The following ANGPT1 variants were observed in gnomAD, a reference collection of about 807,000 sequenced individuals.
ANGPT1 encodes angiopoietin-1.
A neutral mutation model predicts 62.2 loss-of-function variants in ANGPT1; 17 were observed. That is an observed-to-expected ratio of 0.27 (90% CI 0.19 to 0.41). The LOEUF is 0.41. Among genes scored for constraint, ANGPT1 ranks in the 10% least tolerant of loss-of-function variants. ANGPT1 has a pLI of 1.00. For missense variants in ANGPT1, 478 were observed against 594.9 expected (o/e 0.80, Z 2.04); for synonymous variants, 199 against 198.9 (o/e 1.00, Z 0.00).
intron 1 of ANGPT1, among the ~76,000 whole-genome samples, chr8:107,402,000 G>A (rs979685432): frequency 6.6e-5 from 10 of 151,920 alleles, no homozygotes; most frequent in South Asian, 4.2e-4. Context: ...TTCCATCCTC[G>A]CCACCTCCAG....
At chr8:107,313,950 G>C (rs1229723670) in intron 4 of ANGPT1, among the ~76,000 whole-genome samples, 1 of 152,104 alleles carries the variant, frequency 6.6e-6, no homozygotes, top group East Asian at 1.9e-4. Context: ...ATTTAATGCT[G>C]TTAATAAAAC....
At chr8:107,485,153 T>TG (rs1812782202) in intron 1 of ANGPT1, among the ~76,000 whole-genome samples, 1 of 152,162 alleles carries the variant, frequency 6.6e-6, no homozygotes, top group Non-Finnish European at 1.5e-5. Context: ...ATACAGCGTG[T>TG]GTTGATTGAT....
intron 1 of ANGPT1, among the ~76,000 whole-genome samples, chr8:107,460,810 G>C (rs932932897): frequency 1.3e-5 from 2 of 152,130 alleles, no homozygotes; most frequent in African/African-American, 4.8e-5. Flanking sequence ...CAGACATAAT[G>C]CTTCACAAGA....
At chr8:107,460,735 T>G (rs952673766) in intron 1 of ANGPT1, among the ~76,000 whole-genome samples, 5 of 152,182 alleles carry the variant, frequency 3.3e-5, no homozygotes, top group African/African-American at 1.2e-4. Context: ...ACAGGCAATT[T>G]TTATGATCAA....
At chr8:107,380,419 CGTATATATAT>C (rs1362138886) in intron 1 of ANGPT1, among the ~76,000 whole-genome samples, 4 of 149,014 alleles carry the variant, frequency 2.7e-5, no homozygotes, top group Admixed American at 2.7e-4. Context: ...ACTATATATA[CGTATATATAT>C]GTATATATAG....
At chr8:107,265,588 G>A (rs1466840975) in intron 7 of ANGPT1, among the ~76,000 whole-genome samples, 1 of 152,010 alleles carries the variant, frequency 6.6e-6, no homozygotes, top group East Asian at 1.9e-4. Context: ...ACCTAACACT[G>A]CTTCTCCATA....
chr8:107,254,563 T>G (rs1813315765), intron 8 of ANGPT1, among the ~76,000 whole-genome samples: 1 of 152,034 alleles, frequency 6.6e-6, no homozygotes, highest in Admixed American at 6.6e-5. Flanking sequence ...CTTTTCACAT[T>G]TGTGAAAGAA....
At chr8:107,491,572 G>A (rs532328857) in intron 1 of ANGPT1, among the ~76,000 whole-genome samples, 18 of 152,268 alleles carry the variant, frequency 1.2e-4, no homozygotes, top group African/African-American at 4.3e-4. Flanking sequence ...CAAAGATCAG[G>A]GGGAAGAATT....
chr8:107,450,729 T>TGTGTGC (rs1211196390), intron 1 of ANGPT1, among the ~76,000 whole-genome samples: 5 of 149,988 alleles, frequency 3.3e-5, no homozygotes, highest in South Asian at 2.1e-4. Context: ...TGTGTGTGTG[T>TGTGTGC]GCATGTGTGC....
rs934226241 is a variant in ANGPT1 at position 107,349,896 on chromosome 8, C to G, written c.298-2799G>C. On this transcript the variant is annotated intron_variant, in intron 1 of 8. Transcript: ENST00000517746. ...ATCTTTAAGGGCATGTACTGGGAAA[C>G]TGTATATTTTATAAAGCTTCCCAGT... Among the ~76,000 whole-genome samples, 4 of 152,062 alleles carry G rather than the reference C, an allele frequency of 2.6e-5. No homozygotes were observed. In the East Asian group the frequency reaches 7.7e-4, roughly 29 times the overall value.
chr8:107,308,213 T>C (rs542130241), intron 4 of ANGPT1, among the ~76,000 whole-genome samples: 3 of 136,302 alleles, frequency 2.2e-5, no homozygotes, highest in Admixed American at 7.9e-5. Context: ...AGATCTTCCA[T>C]GAACGCTATA....
chr8:107,386,341 C>T (rs1206681647), intron 1 of ANGPT1, among the ~76,000 whole-genome samples: 1 of 152,038 alleles, frequency 6.6e-6, no homozygotes, highest in Non-Finnish European at 1.5e-5. Flanking sequence ...ACCCCTGCAA[C>T]ATGCAATTTA....
chr8:107,393,670 C>T (rs755567838), intron 1 of ANGPT1, among the ~76,000 whole-genome samples: 18 of 151,928 alleles, frequency 1.2e-4, no homozygotes, highest in Non-Finnish European at 2.5e-4. Context: ...ATTAGCCAGG[C>T]GTGGTGGCAG....
intron 1 of ANGPT1, among the ~76,000 whole-genome samples, chr8:107,448,192 GACTT>G (rs1274562581): frequency 6.6e-6 from 1 of 152,084 alleles, no homozygotes; most frequent in Non-Finnish European, 1.5e-5. Flanking sequence ...TACATATAAG[GACTT>G]ACTTAAATAC....
intron 4 of ANGPT1, among the ~76,000 whole-genome samples, chr8:107,314,054 T>C (rs1814950787): frequency 6.6e-6 from 1 of 152,178 alleles, no homozygotes; most frequent in African/African-American, 2.4e-5. Flanking sequence ...TACTGTTCTG[T>C]TTTGTCCCTG....
intron 1 of ANGPT1, among the ~76,000 whole-genome samples, chr8:107,380,869 C>T (rs968931388): frequency 3.3e-5 from 5 of 152,098 alleles, no homozygotes; most frequent in African/African-American, 4.8e-5. Flanking sequence ...ACTCTCTTAC[C>T]TGTGTTTGTT....
chr8:107,455,035 T>G (rs905515345), intron 1 of ANGPT1, among the ~76,000 whole-genome samples: 13 of 152,054 alleles, frequency 8.5e-5, no homozygotes, highest in African/African-American at 2.9e-4. Flanking sequence ...TCTCAAAATA[T>G]TCCTTCAGAA....
intron 1 of ANGPT1, among the ~76,000 whole-genome samples, chr8:107,443,474 C>T (rs1811530479): frequency 6.6e-6 from 1 of 152,030 alleles, no homozygotes; most frequent in Non-Finnish European, 1.5e-5. Flanking sequence ...TCATGATATA[C>T]TTAATAATAT....
intron 1 of ANGPT1, among the ~76,000 whole-genome samples, chr8:107,408,238 T>C (rs1302492922): frequency 6.6e-6 from 1 of 152,208 alleles, no homozygotes; most frequent in Non-Finnish European, 1.5e-5. Context: ...TTCTAAATGT[T>C]TGCTATTTTA....
Sources: allele counts gnomAD v4.1 joint callset (sites outside exome capture counted in the v4.1 genomes callset), GRCh38; gene constraint gnomAD v4.1.1; transcripts MANE v1.5; gene names NCBI Gene and HGNC (gene_info 2026-07-23, HGNC 2026-07-21).